P2RX5: variants seen among roughly 807,000 people sequenced by gnomAD.
P2RX5 encodes P2X purinoceptor 5.
Under a neutral mutation model 54.1 loss-of-function variants are expected in P2RX5, and 46 were observed. That is an observed-to-expected ratio of 0.85 (90% CI 0.67 to 1.09). P2RX5 has a LOEUF of 1.09. P2RX5 is among the 50% of genes least tolerant of loss of function. The probability of loss-of-function intolerance (pLI) is 0.00; values close to 1 mark genes in which losing one functional copy is unlikely to be tolerated. For synonymous variants in P2RX5, 226 were observed against 226.4 expected (o/e 1.00, Z 0.02); for missense variants, 566 against 549.8 (o/e 1.03, Z -0.29).
chr17:3,719,691 C>CA, the P2RX5 span, among the ~76,000 whole-genome samples: 1 of 152,022 alleles, frequency 6.6e-6, no homozygotes, highest in Non-Finnish European at 1.5e-5. Context: ...TTACTGGATA[C>CA]AAAAAACAAT....
intron 9 of P2RX5, among the ~76,000 whole-genome samples, chr17:3,683,185 C>T (rs1036549941): frequency 7.9e-5 from 12 of 152,258 alleles, no homozygotes; most frequent in African/African-American, 2.6e-4. Flanking sequence ...CAGCACAGGG[C>T]AGGGTTGGGG....
upstream of P2RX5, among the ~76,000 whole-genome samples, chr17:3,699,960 A>C (rs1489731206): frequency 7.2e-6 from 1 of 139,160 alleles, no homozygotes; most frequent in Non-Finnish European, 1.6e-5. Context: ...GAAAGAAAGA[A>C]AGAAAGAAAG....
intron 1 of P2RX5, among the ~76,000 whole-genome samples, chr17:3,693,923 C>G (rs2050687471): frequency 6.6e-6 from 1 of 151,806 alleles, no homozygotes; most frequent in Non-Finnish European, 1.5e-5. Flanking sequence ...CGCCACCACA[C>G]CCAGCCAATT....
the P2RX5 span, among the ~76,000 whole-genome samples, chr17:3,712,456 G>T: frequency 6.6e-6 from 1 of 152,198 alleles, no homozygotes; most frequent in African/African-American, 2.4e-5. Context: ...CAGGTGTGAG[G>T]CAGGCAGAGG....
chr17:3,714,904 C>A, the P2RX5 span: 5 of 1,610,688 alleles, frequency 3.1e-6, no homozygotes, highest in Non-Finnish European at 4.2e-6. Flanking sequence ...TGATGCTCTC[C>A]AAGTTCAGTT....
upstream of P2RX5, among the ~76,000 whole-genome samples, chr17:3,697,134 T>G: frequency 4.2e-5 from 1 of 23,722 alleles, no homozygotes; most frequent in Middle Eastern, 0.016. Flanking sequence ...TCAGGGCGGA[T>G]GGTGCGGGGG....
the P2RX5 span, among the ~76,000 whole-genome samples, chr17:3,703,570 T>C: frequency 7.2e-5 from 11 of 151,916 alleles, no homozygotes; most frequent in Non-Finnish European, 1.5e-4. Flanking sequence ...TGGGATGAAG[T>C]GCTTCCAAGA....
chr17:3,701,414 C>T, the P2RX5 span, among the ~76,000 whole-genome samples: 59,337 of 152,010 alleles, frequency 0.39, 13,791 homozygotes, highest in South Asian at 0.6. Context: ...CTTCTAAGTC[C>T]GGGCGTGATG....
intron 10 of P2RX5, 121 bp from the exon 11 acceptor site, chr17:3,679,905 C>A: frequency 1.2e-6 from 1 of 830,106 alleles, no homozygotes; most frequent in South Asian, 1.4e-5. Context: ...TTCCTCCAGC[C>A]GGTGTCCTCC....
In P2RX5 at chr17:3,679,796, AC is replaced by A; in HGVS notation, c.1065-13del. On this transcript the variant is annotated splice_polypyrimidine_tract_variant and intron_variant, in intron 10 of 11. Transcript: ENST00000225328. ...TGTCTTCTAGGCCCCTGGACAAGAT[AC>A]AAGCTGTTCACCTGGGACGGCCCTG... 1 of 1,607,152 alleles carries A rather than the reference AC, an allele frequency of 6.2e-7. No individual in the cohort carries two copies. The highest frequency in any genetic ancestry group is 8.5e-7 in the Non-Finnish European group (1 of 1,179,366).
chr17:3,701,696 GAAAAAAAAA>G, the P2RX5 span, among the ~76,000 whole-genome samples: 7 of 73,428 alleles, frequency 9.5e-5, no homozygotes, highest in African/African-American at 3.5e-4. Flanking sequence ...CTCTGTCTCA[GAAAAAAAAA>G]AAAAAAAAAA....
chr17:3,699,506 G>A (rs957283342), upstream of P2RX5, among the ~76,000 whole-genome samples: 7 of 151,888 alleles, frequency 4.6e-5, no homozygotes, highest in South Asian at 4.2e-4. Context: ...AGCAATTATC[G>A]CAAATAAATA....
Position 3,678,930 on chromosome 17 carries a change from C to T in P2RX5, c.1259+660G>A, listed in dbSNP as rs927494751. 2.0e-5 allele frequency among the ~76,000 whole-genome samples: 3 copies of T among 152,214 alleles called. No individual in the cohort carries two copies. In the East Asian group the frequency reaches 5.8e-4, roughly 29 times the overall value. ...CCCACCCAGCCAGACGCCCTCCCCA[C>T]GCAGGCTGAGCCTCGTCTGCAGAGA... On this transcript the variant is annotated intron_variant, in intron 11 of 11. Coordinates refer to ENST00000225328, the MANE Select transcript of P2RX5 (RefSeq NM_002561.4).
At chr17:3,720,607 A>C in the P2RX5 span, 1 of 388,230 alleles carries the variant, frequency 2.6e-6, no homozygotes, top group African/African-American at 2.5e-5. Context: ...TTTGAGATGG[A>C]GTTTCGCTCT....
the P2RX5 span, among the ~76,000 whole-genome samples, chr17:3,712,444 G>T: frequency 2.6e-5 from 4 of 152,176 alleles, no homozygotes; most frequent in Admixed American, 2.0e-4. Context: ...TGGGATAACA[G>T]GCAGGTGTGA....
the P2RX5 span, chr17:3,723,281 C>CAA: frequency 6.3e-7 from 1 of 1,597,312 alleles, no homozygotes; most frequent in South Asian, 1.1e-5. Flanking sequence ...ATTTCAGTCT[C>CAA]AAACACCTCC....
At position 3,688,700 on chromosome 17, in the gene P2RX5, C is replaced by G; in HGVS notation, c.813G>C (p.Glu271Asp). 6.2e-7 allele frequency: 1 copy of G among 1,613,798 alleles called. No homozygotes were observed. Among genetic ancestry groups the G allele is most frequent in the Non-Finnish European group, 8.5e-7 (1 of 1,179,728 alleles). The change falls in exon 8 of 12, where the codon GAG becomes GAC. Residue 271 changes from glutamate to aspartate, a missense_variant. Coordinates refer to ENST00000225328, the MANE Select transcript of P2RX5 (RefSeq NM_002561.4). ...WNCDLDKAAS[E>D]CHPHYSFSRL... ...GGCTAAAAGAATAGTGAGGGTGGCA[C>G]TCAGAGGCAGCTTTATCAAGATCAC... is the stretch of plus-strand genomic sequence containing the variant.
At chr17:3,716,649 C>T in the P2RX5 span, 1 of 1,220,434 alleles carries the variant, frequency 8.2e-7, no homozygotes, top group Non-Finnish European at 1.2e-6. Context: ...AAACTAGAGC[C>T]CAGTCTTCCC....
chr17:3,712,261 A>T, the P2RX5 span, among the ~76,000 whole-genome samples: 1 of 152,212 alleles, frequency 6.6e-6, no homozygotes, highest in African/African-American at 2.4e-5. Context: ...AGTGACCGAT[A>T]GCACAGACGG....
Sources: gnomAD v4.1 joint callset for allele counts (sites outside exome capture counted in the v4.1 genomes callset) on GRCh38, gnomAD v4.1.1 for gene constraint, MANE v1.5 for transcripts, NCBI Gene and HGNC (gene_info 2026-07-23, HGNC 2026-07-21) for gene names.